Variants in ZNF107 observed in about 807,000 individuals in gnomAD.
The protein encoded by ZNF107 is C2H2 type zinc-finger protein.
Under a neutral mutation model 12.3 loss-of-function variants are expected in ZNF107, and 19 were observed. That is an observed-to-expected ratio of 1.55 (90% CI 1.08 to 2.27). The LOEUF is 2.27. Among genes scored for constraint, ZNF107 ranks in the 30% most tolerant of loss-of-function variants. The probability of loss-of-function intolerance (pLI) is 0.00; values close to 1 mark genes in which losing one functional copy is unlikely to be tolerated. For synonymous variants in ZNF107, 317 were observed against 330.5 expected (o/e 0.96, Z 0.44); for missense variants, 958 against 979.9 (o/e 0.98, Z 0.30).
chr7:64,667,723 G>A (rs1252991895), intron 1 of ZNF107, among the ~76,000 whole-genome samples: 1 of 152,132 alleles, frequency 6.6e-6, no homozygotes. Flanking sequence ...CCTCTCAAGG[G>A]AGCAGGTGGA....
At chr7:64,696,114 A>T (rs555467800) in intron 3 of ZNF107, among the ~76,000 whole-genome samples, 2 of 151,756 alleles carry the variant, frequency 1.3e-5, no homozygotes, top group Non-Finnish European at 2.9e-5. Flanking sequence ...CCAGCTAAAC[A>T]TGATCTTGGC....
intron 1 of ZNF107, among the ~76,000 whole-genome samples, chr7:64,685,168 A>C (rs1200004030): frequency 6.6e-6 from 1 of 152,188 alleles, no homozygotes; most frequent in African/African-American, 2.4e-5. Context: ...CCATTACACA[A>C]GTAATGAAAA....
chr7:64,691,352 C>G lies in ZNF107; in HGVS notation c.108C>G (p.Asn36Lys). Residue 36 changes from asparagine to lysine, a missense_variant, in exon 2 of 4, where the codon AAC (asparagine) becomes AAG (lysine). By Grantham distance (94) the Asn-to-Lys change is moderately conservative. Coordinates refer to ENST00000620827, the MANE Select transcript of ZNF107 (RefSeq NM_001282359.2). ...RDLYRNVLLE[N>K]YRNLVFLGIA... Reference sequence around the variant, plus strand: ...TATATAGGAATGTGTTGTTAGAGAACTACAGAAACCTGGTCTTTTTGGGTG... The same window carrying G: ...TATATAGGAATGTGTTGTTAGAGAAGTACAGAAACCTGGTCTTTTTGGGTG... 1 of 1,505,398 alleles carries G rather than the reference C, an allele frequency of 6.6e-7. No individual in the cohort carries two copies. 93.3% of individuals were successfully genotyped at this position (1,505,398 alleles called of 1,614,324 possible). A position where few individuals can be genotyped will look rare whatever the true frequency, so the allele number is the denominator to read the frequency against.
Position 64,706,663 on chromosome 7 carries a change from C to T in ZNF107, c.566C>T (p.Thr189Ile), listed in dbSNP as rs146509273. The change falls in exon 4 of 4, where the codon ACT (threonine) becomes ATT (isoleucine). Residue 189 changes from threonine (T) to isoleucine (I), a missense_variant. Transcript: ENST00000620827. ...SKSFCVLSQL[T>I]QHRRIHTRVN... ...TCATTTTGCGTGCTTTCACAACTAA[C>T]TCAGCATAGAAGAATTCATACTAGA... 13 of 1,613,310 alleles carry T rather than the reference C, an allele frequency of 8.1e-6. No individual in the cohort carries two copies. The African/African-American group carries it at 1.6e-4, about 20-fold the overall frequency.
At chr7:64,692,227 G>C (rs763320576) in intron 3 of ZNF107, among the ~76,000 whole-genome samples, 25 of 78,168 alleles carry the variant, frequency 3.2e-4, no homozygotes, top group Non-Finnish European at 4.8e-4. Context: ...ATATAAGAGA[G>C]TGCACAATCT....
At chr7:64,688,009 T>C (rs1364814916) in intron 1 of ZNF107, among the ~76,000 whole-genome samples, 1 of 152,246 alleles carries the variant, frequency 6.6e-6, no homozygotes, top group Non-Finnish European at 1.5e-5. Flanking sequence ...AAATGCATGC[T>C]GTCCCCTAAA....
intron 1 of ZNF107, among the ~76,000 whole-genome samples, chr7:64,682,050 G>A (rs913474630): frequency 2.0e-5 from 3 of 151,850 alleles, no homozygotes; most frequent in Non-Finnish European, 4.4e-5. Context: ...CATTATTTTA[G>A]CCAAGCCCTT....
chr7:64,705,042 C>T (rs1412054991), intron 3 of ZNF107, among the ~76,000 whole-genome samples: 2 of 152,154 alleles, frequency 1.3e-5, no homozygotes, highest in African/African-American at 2.4e-5. Context: ...GTATTATTCT[C>T]ACTTGACAGC....
intron 1 of ZNF107, among the ~76,000 whole-genome samples, chr7:64,685,456 T>G (rs1789870191): frequency 1.3e-5 from 2 of 152,176 alleles, no homozygotes; most frequent in Non-Finnish European, 1.5e-5. Flanking sequence ...GCATACGCAC[T>G]GCATGACCAT....
At chr7:64,700,506 CTTTTTTTTTTTTTTTTT>C (rs141980471) in intron 3 of ZNF107, among the ~76,000 whole-genome samples, 15 of 66,226 alleles carry the variant, frequency 2.3e-4, no homozygotes, top group African/African-American at 8.0e-4. Context: ...CCAAATAAAC[CTTTTTTTTTTTTTTTTT>C]TTTTTTTTTT....
chr7:64,708,175 C>T lies in ZNF107; in HGVS notation c.2078C>T (p.Thr693Ile), dbSNP rs2128969468. 6.2e-7 allele frequency: 1 copy of T among 1,611,504 alleles called. No individual in the cohort carries two copies. The highest frequency in any genetic ancestry group is 2.2e-5 in the East Asian group (1 of 44,844). ...GCTTATAACCGATTCTCAAACCTAACTATACATAAGAGAATTCATACGGGA... is the reference window on the plus strand; with the variant it reads ...GCTTATAACCGATTCTCAAACCTAATTATACATAAGAGAATTCATACGGGA... ...GKAYNRFSNL[T>I]IHKRIHTGEK... The change falls in exon 4 of 4, where the codon ACT (threonine) becomes ATT (isoleucine). Residue 693 changes from threonine to isoleucine, a missense_variant. Physicochemically the swap from Thr to Ile is moderately conservative, Grantham distance 89. Coordinates refer to ENST00000620827, the MANE Select transcript of ZNF107 (RefSeq NM_001282359.2).
Sources: allele counts gnomAD v4.1 joint callset (sites outside exome capture counted in the v4.1 genomes callset), GRCh38; gene constraint gnomAD v4.1.1; transcripts MANE v1.5; gene names NCBI Gene and HGNC (gene_info 2026-07-23, HGNC 2026-07-21).